ARHGEF3: variants seen among roughly 807,000 people sequenced by gnomAD.
ARHGEF3 encodes 59.8 kDA protein.
Under a neutral mutation model 63.2 loss-of-function variants are expected in ARHGEF3, and 28 were observed. That is an observed-to-expected ratio of 0.44 (90% CI 0.33 to 0.61). The LOEUF is 0.61. Ranked by LOEUF, ARHGEF3 falls within the 20% of genes least tolerant of loss-of-function variation. ARHGEF3 has a pLI of 0.03. For missense variants in ARHGEF3, 533 were observed against 659.3 expected (o/e 0.81, Z 2.10); for synonymous variants, 266 against 254.2 (o/e 1.05, Z -0.44).
At chr3:56,866,151 T>A (rs943469486) in intron 4 of ARHGEF3, among the ~76,000 whole-genome samples, 6 of 151,948 alleles carry the variant, frequency 3.9e-5, no homozygotes, top group African/African-American at 1.5e-4. Context: ...TGTGGCAGAG[T>A]GAGATCCTGT....
At chr3:56,920,565 C>T (rs2042098816) in intron 3 of ARHGEF3, among the ~76,000 whole-genome samples, 1 of 152,198 alleles carries the variant, frequency 6.6e-6, no homozygotes. Context: ...TAAAAGTTGG[C>T]AAGCAACGAT....
intron 1 of ARHGEF3, among the ~76,000 whole-genome samples, chr3:57,041,569 T>G (rs1453359987): frequency 6.6e-6 from 1 of 152,064 alleles, no homozygotes; most frequent in Non-Finnish European, 1.5e-5. Context: ...AGAAAAAAAG[T>G]ACACAAACAA....
At chr3:56,809,678 G>A (rs574203617) in intron 4 of ARHGEF3, among the ~76,000 whole-genome samples, 29 of 151,722 alleles carry the variant, frequency 1.9e-4, no homozygotes, top group African/African-American at 7.0e-4. Flanking sequence ...TCATATTTGG[G>A]GGTTAAGGAT....
intron 2 of ARHGEF3, among the ~76,000 whole-genome samples, chr3:56,770,080 A>G (rs774398762): frequency 6.6e-6 from 1 of 152,168 alleles, no homozygotes; most frequent in Non-Finnish European, 1.5e-5. Context: ...CTTTGGGGCC[A>G]GCTCTTCCCC....
intron 1 of ARHGEF3, among the ~76,000 whole-genome samples, chr3:57,054,952 A>G (rs1299435324): frequency 3.9e-5 from 6 of 151,940 alleles, no homozygotes; most frequent in Admixed American, 6.6e-5. Context: ...CCCAGCAAAA[A>G]AAATTTTTTT....
chr3:56,861,849 GC>G (rs2040083464), intron 4 of ARHGEF3, among the ~76,000 whole-genome samples: 1 of 143,132 alleles, frequency 7.0e-6, no homozygotes. Flanking sequence ...AGTGAATGAA[GC>G]CTTCTAACCT....
intron 4 of ARHGEF3, among the ~76,000 whole-genome samples, chr3:56,846,306 G>T (rs541114122): frequency 1.3e-5 from 2 of 152,254 alleles, no homozygotes; most frequent in East Asian, 3.9e-4. Context: ...TTAGAAAATG[G>T]GGCAGGAGGA....
intron 4 of ARHGEF3, among the ~76,000 whole-genome samples, chr3:56,881,648 A>C (rs1198636741): frequency 6.6e-6 from 1 of 152,226 alleles, no homozygotes; most frequent in Non-Finnish European, 1.5e-5. Flanking sequence ...TGATTTAAAA[A>C]GAAAAAAAAA....
intron 4 of ARHGEF3, among the ~76,000 whole-genome samples, chr3:56,811,646 A>AT (rs1222396547): frequency 2.0e-5 from 3 of 151,930 alleles, no homozygotes; most frequent in South Asian, 2.1e-4. Flanking sequence ...GCTTTACTTG[A>AT]TTTTTTTTCC....
intron 2 of ARHGEF3, among the ~76,000 whole-genome samples, chr3:56,973,161 C>T (rs1700990032): frequency 6.6e-6 from 1 of 151,972 alleles, no homozygotes; most frequent in Non-Finnish European, 1.5e-5. Flanking sequence ...GGACTACAGG[C>T]ACCCGCCACC....
intron 1 of ARHGEF3, among the ~76,000 whole-genome samples, chr3:56,787,377 ACT>A (rs1264461461): frequency 6.6e-6 from 1 of 151,994 alleles, no homozygotes; most frequent in Non-Finnish European, 1.5e-5. Flanking sequence ...CTACTCATAG[ACT>A]CTAGCAATTT....
chr3:56,833,565 T>TC (rs2108081276), intron 4 of ARHGEF3, among the ~76,000 whole-genome samples: 1 of 152,300 alleles, frequency 6.6e-6, no homozygotes, highest in South Asian at 2.1e-4. Context: ...TATCCAGCCT[T>TC]CCCTACACCA....
intron 4 of ARHGEF3, among the ~76,000 whole-genome samples, chr3:56,853,096 A>G (rs1054058663): frequency 6.6e-6 from 1 of 152,196 alleles, no homozygotes; most frequent in African/African-American, 2.4e-5. Context: ...TATACATATG[A>G]TGAACTGTGT....
At chr3:56,779,035 A>G (rs2036417496) in intron 1 of ARHGEF3, among the ~76,000 whole-genome samples, 1 of 152,064 alleles carries the variant, frequency 6.6e-6, no homozygotes, top group South Asian at 2.1e-4. Flanking sequence ...CAACACTCCC[A>G]GGCACTGCAC....
intron 3 of ARHGEF3, among the ~76,000 whole-genome samples, chr3:56,936,793 C>T (rs899955071): frequency 3.9e-5 from 6 of 152,296 alleles, no homozygotes; most frequent in Admixed American, 1.3e-4. Context: ...AATCACAGCT[C>T]ACTGCAGCCT....
chr3:56,857,820 G>A (rs569662461), intron 4 of ARHGEF3, among the ~76,000 whole-genome samples: 20 of 152,168 alleles, frequency 1.3e-4, no homozygotes, highest in Non-Finnish European at 2.4e-4. Flanking sequence ...AGGCACAATC[G>A]TAGCACACTA....
chr3:57,042,451 GC>G (rs1266666481), intron 1 of ARHGEF3, among the ~76,000 whole-genome samples: 1 of 151,588 alleles, frequency 6.6e-6, no homozygotes, highest in Non-Finnish European at 1.5e-5. Flanking sequence ...GTGGATGAGA[GC>G]CAGCACATAC....
chr3:56,861,301 C>A (rs1485490022), intron 4 of ARHGEF3, among the ~76,000 whole-genome samples: 1 of 152,050 alleles, frequency 6.6e-6, no homozygotes, highest in Non-Finnish European at 1.5e-5. Context: ...GTCTTAGGGG[C>A]CATCTAACTT....
intron 4 of ARHGEF3, among the ~76,000 whole-genome samples, chr3:56,859,865 C>T (rs2040010365): frequency 6.6e-6 from 1 of 151,872 alleles, no homozygotes; most frequent in Admixed American, 6.6e-5. Flanking sequence ...ATTAAGAAAA[C>T]TCATTACATT....
Sources: gnomAD v4.1 joint callset for allele counts (sites outside exome capture counted in the v4.1 genomes callset) on GRCh38, gnomAD v4.1.1 for gene constraint, MANE v1.5 for transcripts, NCBI Gene and HGNC (gene_info 2026-07-23, HGNC 2026-07-21) for gene names.